Variants in ABCB5 observed in about 807,000 individuals in gnomAD.
The protein encoded by ABCB5 is ATP binding cassette subfamily B member 5.
Under a neutral mutation model 144.2 loss-of-function variants are expected in ABCB5, and 155 were observed. The ratio of observed to expected loss-of-function variants is 1.08; its 90% CI spans 0.94 to 1.23. The LOEUF (loss-of-function observed/expected upper bound fraction) is 1.23, where lower values mean the gene tolerates loss of function less well. Ranked by LOEUF, ABCB5 falls within the 50% of genes most tolerant of loss-of-function variation. The probability of loss-of-function intolerance (pLI) is 0.00; values close to 1 mark genes in which losing one functional copy is unlikely to be tolerated. For missense variants in ABCB5, 1,830 were observed against 1,520.8 expected (o/e 1.20, Z -3.38); for synonymous variants, 610 against 528.6 (o/e 1.15, Z -2.11).
chr7:20,643,744 A>G (rs1784345535), intron 7 of ABCB5, 112 bp downstream of exon 7: 2 of 1,156,954 alleles, frequency 1.7e-6, no homozygotes, highest in African/African-American at 1.5e-5. Flanking sequence ...CCCAAACTAC[A>G]AAGGGATATT....
At chr7:20,730,762 C>T (rs1416329973) in intron 23 of ABCB5, among the ~76,000 whole-genome samples, 5 of 152,156 alleles carry the variant, frequency 3.3e-5, no homozygotes, top group African/African-American at 9.7e-5. Context: ...ATAATCCAGG[C>T]ACTCCCAAGC....
chr7:20,698,553 A>G lies in ABCB5; in HGVS notation c.2154+3A>G, dbSNP rs749859016. 1 of 1,586,102 alleles carries G rather than the reference A, an allele frequency of 6.3e-7. No individual in the cohort carries two copies. Among genetic ancestry groups the G allele is most frequent in the Non-Finnish European group, 8.5e-7 (1 of 1,171,152 alleles). The stretch of plus-strand genomic sequence containing the variant: ...TCATCTTTGCAAAAATTATAACCGT[A>G]AGTAAAATAAATTTGCTAATACTTT... On this transcript the variant is annotated splice_donor_region_variant and intron_variant, in intron 17 of 27. Transcript: ENST00000404938.
At chr7:20,653,014 A>C (rs2285559) in intron 13 of ABCB5, among the ~76,000 whole-genome samples, 25,927 of 152,208 alleles carry the variant, frequency 0.17, 2,469 homozygotes, top group Non-Finnish European at 0.21. Context: ...TTTAGGCCAA[A>C]AAAATCATTA....
chr7:20,628,519 C>G (rs1285985521), intron 3 of ABCB5, among the ~76,000 whole-genome samples, 169 bp from the exon 4 acceptor site: 3 of 152,018 alleles, frequency 2.0e-5, no homozygotes, highest in Non-Finnish European at 4.4e-5. Context: ...TTTGTTTTTA[C>G]TTTAGATATA....
chr7:20,646,104 G>C lies in ABCB5; in HGVS notation c.947G>C (p.Gly316Ala). Reference sequence around the variant, plus strand: ...TATGGAACCTCCTTGATTCTTAATGGAGAACCTGGATATACCATCGGGACT... The same window carrying C: ...TATGGAACCTCCTTGATTCTTAATGCAGAACCTGGATATACCATCGGGACT... ...FWYGTSLILN[G>A]EPGYTIGTVL... The change falls in exon 9 of 28, where the codon GGA becomes GCA. Residue 316 changes from glycine (G) to alanine (A), a missense_variant. Physicochemically the swap from Gly to Ala is moderately conservative, Grantham distance 60. Transcript: ENST00000404938. 1.2e-6 allele frequency: 2 copies of C among 1,613,668 alleles called. No individual in the cohort carries two copies. Among genetic ancestry groups the C allele is most frequent in the Non-Finnish European group, 1.7e-6 (2 of 1,179,728 alleles).
At chr7:20,719,647 G>A (rs577973135) in intron 20 of ABCB5, among the ~76,000 whole-genome samples, 26 of 152,294 alleles carry the variant, frequency 1.7e-4, no homozygotes, top group African/African-American at 5.5e-4. Context: ...TGGCAGCCCC[G>A]TGCAGGGAAG....
intron 14 of ABCB5, among the ~76,000 whole-genome samples, chr7:20,675,471 T>A (rs963216396): frequency 6.6e-6 from 1 of 152,026 alleles, no homozygotes; most frequent in Admixed American, 6.5e-5. Context: ...GACTTTTATC[T>A]GCACCATACA....
At chr7:20,735,765 T>A (rs568450508) in intron 23 of ABCB5, among the ~76,000 whole-genome samples, 1 of 152,152 alleles carries the variant, frequency 6.6e-6, no homozygotes, top group African/African-American at 2.4e-5. Context: ...AGGAAGACCA[T>A]GTAGGGGAAA....
At chr7:20,687,852 C>A (rs1296696764) in intron 16 of ABCB5, among the ~76,000 whole-genome samples, 1 of 149,926 alleles carries the variant, frequency 6.7e-6, no homozygotes, top group Non-Finnish European at 1.5e-5. Flanking sequence ...GCCACTGTAC[C>A]CCAGCCTGAC....
chr7:20,712,559 T>A (rs1237091594), intron 20 of ABCB5, among the ~76,000 whole-genome samples: 1 of 149,842 alleles, frequency 6.7e-6, no homozygotes, highest in Non-Finnish European at 1.5e-5. Flanking sequence ...CTTTGTTCAT[T>A]TTTTTCTGCA....
chr7:20,649,577 C>T (rs1383467065), intron 11 of ABCB5, among the ~76,000 whole-genome samples: 1 of 152,150 alleles, frequency 6.6e-6, no homozygotes, highest in African/African-American at 2.4e-5. Context: ...TCGGGAGCCA[C>T]TAAGAAACTT....
rs1338415188 is a variant in ABCB5 at position 20,632,068 on chromosome 7, A to T, written c.269A>T (p.Gln90Leu). 2.0e-6 allele frequency: 3 copies of T among 1,515,900 alleles called. No homozygotes were observed. Among genetic ancestry groups the T allele is most frequent in the Non-Finnish European group, 1.8e-6 (2 of 1,130,464 alleles). 93.9% of individuals were successfully genotyped at this position (1,515,900 alleles called of 1,614,324 possible). ...ATAACCTTTTTTACAGCAAATTATC[A>T]GAACTGTACTCAGTCTCAAGAGAAG... The part of the protein sequence containing the change: ...CLVQTNTTNY[Q>L]NCTQSQEKLN... The change falls in exon 5 of 28, where the codon CAG (glutamine) becomes CTG (leucine). Residue 90 changes from glutamine to leucine, a missense_variant. Transcript: ENST00000404938.
chr7:20,700,228 A>G, intron 19 of ABCB5, 93 bp downstream of exon 19: 3 of 1,121,594 alleles, frequency 2.7e-6, no homozygotes, highest in Non-Finnish European at 3.8e-6. Context: ...TTTTGACATA[A>G]TCTTTCTTTG....
chr7:20,665,736 T>C (rs1785158057), intron 14 of ABCB5, among the ~76,000 whole-genome samples: 1 of 136,830 alleles, frequency 7.3e-6, no homozygotes. Context: ...GATAGATAGA[T>C]AGATAGATAG....
At chr7:20,742,373 CAAATAAAATA>C (rs150241163) in intron 24 of ABCB5, among the ~76,000 whole-genome samples, 4 of 150,554 alleles carry the variant, frequency 2.7e-5, no homozygotes, top group South Asian at 2.1e-4. Flanking sequence ...GACCCTTTCT[CAAATAAAATA>C]AAATAAAATA....
chr7:20,750,383 TAC>T (rs3033674), intron 26 of ABCB5, among the ~76,000 whole-genome samples: 11,363 of 140,692 alleles, frequency 0.081, 629 homozygotes, highest in African/African-American at 0.17. Context: ...GGCTTCCCCC[TAC>T]ACACACACAC....
chr7:20,701,991 A>G (rs1296177338), intron 19 of ABCB5, among the ~76,000 whole-genome samples: 3 of 152,202 alleles, frequency 2.0e-5, no homozygotes, highest in African/African-American at 4.8e-5. Flanking sequence ...TTGTCCTAAG[A>G]TAAGACTTTT....
intron 26 of ABCB5, 113 bp downstream of exon 26, chr7:20,745,551 C>A: frequency 3.1e-6 from 3 of 981,056 alleles, no homozygotes; most frequent in Non-Finnish European, 4.4e-6. Flanking sequence ...GTATTTATTG[C>A]CAGAATCTAA....
Position 20,745,272 on chromosome 7 carries a change from G to T in ABCB5, c.3263G>T (p.Trp1088Leu). The change falls in exon 26 of 28, where the codon TGG (tryptophan) becomes TTG (leucine). Residue 1088 changes from tryptophan to leucine, a missense_variant. Coordinates refer to ENST00000404938, the MANE Select transcript of ABCB5 (RefSeq NM_001163941.2). ...GATGCAAAAGAATTGAATGTACAGT[G>T]GCTCCGTTCCCAAATAGCAATCGTT... ...GVDAKELNVQWLRSQIAIVPQ... is the reference protein window; with the variant it reads ...GVDAKELNVQLLRSQIAIVPQ... 1.2e-6 allele frequency: 2 copies of T among 1,613,986 alleles called. No homozygotes were observed. The highest frequency in any genetic ancestry group is 1.7e-6 in the Non-Finnish European group (2 of 1,179,890).
Sources: gnomAD v4.1 joint callset for allele counts (sites outside exome capture counted in the v4.1 genomes callset) on GRCh38, gnomAD v4.1.1 for gene constraint, MANE v1.5 for transcripts, NCBI Gene and HGNC (gene_info 2026-07-23, HGNC 2026-07-21) for gene names.